Variants in TANGO2 observed in about 807,000 individuals in gnomAD.
The protein encoded by TANGO2 is transport and golgi organization 2 homolog.
Under a neutral mutation model 39.1 loss-of-function variants are expected in TANGO2, and 26 were observed. The ratio of observed to expected loss-of-function variants is 0.67; its 90% CI spans 0.49 to 0.92. The LOEUF is 0.92. Among genes scored for constraint, TANGO2 ranks in the 40% least tolerant of loss-of-function variants. The pLI is 0.00. For synonymous variants in TANGO2, 131 were observed against 144.5 expected (o/e 0.91, Z 0.67); for missense variants, 326 against 360.1 (o/e 0.91, Z 0.77).
intron 8 of TANGO2, 89 bp from the exon 9 acceptor site, chr22:20,064,453 C>T: frequency 1.3e-6 from 2 of 1,543,094 alleles, no homozygotes; most frequent in South Asian, 1.2e-5. Flanking sequence ...CTAACTCTAC[C>T]TGCCTGCATT....
In TANGO2 at chr22:20,022,708, G is replaced by A. The variant is rs987702458; in HGVS notation, c.-40+1462G>A. On this transcript the variant is annotated intron_variant, in intron 1 of 8. Transcript: ENST00000327374. Reference sequence around the variant, plus strand: ...GTGCCCGGCTTCTGCGCCAGACGGCGAACTTGGAGGGCACCCCGGTGCCCA... The same window carrying A: ...GTGCCCGGCTTCTGCGCCAGACGGCAAACTTGGAGGGCACCCCGGTGCCCA... Among the ~76,000 whole-genome samples the A allele has an allele frequency of 4.6e-5, 7 of 152,244 alleles. No homozygotes were observed. In the East Asian group the frequency reaches 7.7e-4, roughly 17 times the overall value.
chr22:20,037,073 C>G lies in TANGO2; in HGVS notation c.56+219C>G, dbSNP rs186875212. 14,735 of 1,531,824 alleles carry G rather than the reference C, an allele frequency of 9.6e-3. 70 individuals are homozygous for G. Among genetic ancestry groups the G allele is most frequent in the Non-Finnish European group, 0.012 (13,448 of 1,140,436 alleles). 94.9% of individuals were successfully genotyped at this position (1,531,824 alleles called of 1,614,324 possible). On this transcript the variant is annotated intron_variant, in intron 2 of 8. Transcript: ENST00000327374. ...GTCAATGTACAAAGACGTGAAGACT[C>G]AGCCACAGAAGGCAGCCACAGGTAG... is the stretch of plus-strand genomic sequence containing the variant.
At chr22:20,037,080 A>G (rs1366821369) in intron 2 of TANGO2, 4 of 1,530,396 alleles carry the variant, frequency 2.6e-6, no homozygotes, top group South Asian at 1.3e-5. Flanking sequence ...ACTCAGCCAC[A>G]GAAGGCAGCC....
intron 8 of TANGO2, chr22:20,063,725 C>T (rs1222228130): frequency 1.3e-5 from 5 of 375,610 alleles, no homozygotes; most frequent in South Asian, 6.7e-5. Context: ...GCAAACGCCC[C>T]GGCACCATGG....
chr22:20,052,494 G>A lies in TANGO2; in HGVS notation c.175G>A (p.Gly59Ser). Residue 59 changes from glycine (G) to serine (S), a missense_variant, in exon 4 of 9, where the codon GGC (glycine) becomes AGC (serine). Transcript: ENST00000327374. Reference protein sequence around the residue: ...GLDMEEGKEGGTWLGISTRGK... With the variant: ...GLDMEEGKEGSTWLGISTRGK... ...GGACATGGAGGAAGGCAAGGAAGGA[G>A]GCACATGGCTGGGCATCAGCACACG... 6.2e-7 allele frequency: 1 copy of A among 1,606,794 alleles called. No individual in the cohort carries two copies. The highest frequency in any genetic ancestry group is 8.5e-7 in the Non-Finnish European group (1 of 1,176,808).
intron 3 of TANGO2, among the ~76,000 whole-genome samples, chr22:20,043,922 C>T (rs1202366027): frequency 6.6e-6 from 1 of 152,132 alleles, no homozygotes; most frequent in Admixed American, 6.6e-5. Flanking sequence ...GAAGCCCCGT[C>T]ACCTGCACCA....
At chr22:20,022,301 G>A (rs2039863499) in intron 1 of TANGO2, among the ~76,000 whole-genome samples, 1 of 152,206 alleles carries the variant, frequency 6.6e-6, no homozygotes, top group African/African-American at 2.4e-5. Context: ...CTGTGTCTGT[G>A]TCCTGCGTCT....
intron 2 of TANGO2, among the ~76,000 whole-genome samples, chr22:20,037,323 G>A (rs112558439): frequency 3.8e-3 from 575 of 152,280 alleles, no homozygotes; most frequent in Middle Eastern, 6.8e-3. Context: ...GGACCAGCCA[G>A]AGGAGTCAGG....
chr22:20,046,934 A>G (rs1384652837), intron 3 of TANGO2, among the ~76,000 whole-genome samples: 1 of 152,202 alleles, frequency 6.6e-6, no homozygotes, highest in Non-Finnish European at 1.5e-5. Flanking sequence ...AGAGTTCTAC[A>G]GGGGACCTGA....
At chr22:20,042,359 G>T (rs1454630014) in intron 2 of TANGO2, among the ~76,000 whole-genome samples, 1 of 152,162 alleles carries the variant, frequency 6.6e-6, no homozygotes. Flanking sequence ...AGTCACTGCT[G>T]TGTCCTTATT....
intron 1 of TANGO2, among the ~76,000 whole-genome samples, chr22:20,025,476 G>A (rs114176759): frequency 0.014 from 2,137 of 152,118 alleles, 39 homozygotes; most frequent in African/African-American, 0.048. Context: ...AGTGTCTGGC[G>A]TGACAGATTG....
chr22:20,051,012 C>G (rs1440000258), intron 3 of TANGO2, among the ~76,000 whole-genome samples: 1 of 151,022 alleles, frequency 6.6e-6, no homozygotes, highest in African/African-American at 2.4e-5. Context: ...CAGGCATGCA[C>G]CACCACGCCT....
chr22:20,062,106 C>T (rs1037064190), intron 7 of TANGO2, among the ~76,000 whole-genome samples: 10 of 152,298 alleles, frequency 6.6e-5, no homozygotes, highest in African/African-American at 9.6e-5. Flanking sequence ...ATGGGCTTCC[C>T]GCAAGCGGTC....
At chr22:20,056,303 T>TCCTGTGCCGTCCCAGTGTGC (rs1459332336) in intron 6 of TANGO2, 1 of 625,140 alleles carries the variant, frequency 1.6e-6, no homozygotes, top group East Asian at 3.3e-5. Context: ...CAGCCTCACT[T>TCCTGTGCCGTCCCAGTGTGC]CCTGTGCCGT....
At chr22:20,022,918 G>A (rs1395553781) in intron 1 of TANGO2, among the ~76,000 whole-genome samples, 6 of 152,250 alleles carry the variant, frequency 3.9e-5, no homozygotes, top group African/African-American at 1.4e-4. Flanking sequence ...TGACGTGTCA[G>A]TCAGCACATG....
chr22:20,033,732 G>A (rs1472907946), intron 1 of TANGO2, among the ~76,000 whole-genome samples: 1 of 152,232 alleles, frequency 6.6e-6, no homozygotes, highest in Non-Finnish European at 1.5e-5. Context: ...CACATGGTGA[G>A]TGCTGGGCCC....
intron 1 of TANGO2, among the ~76,000 whole-genome samples, chr22:20,030,122 A>G (rs533225500): frequency 1.3e-5 from 2 of 150,076 alleles, no homozygotes; most frequent in Admixed American, 1.3e-4. Flanking sequence ...GGACTCTTGT[A>G]AAGAGGGCAT....
chr22:20,026,286 T>G (rs1282888855), intron 1 of TANGO2, among the ~76,000 whole-genome samples: 1 of 152,110 alleles, frequency 6.6e-6, no homozygotes, highest in Non-Finnish European at 1.5e-5. Flanking sequence ...TAATGACAGT[T>G]ACTTGGGAGG....
chr22:20,053,099 G>A lies in TANGO2; in HGVS notation c.266-338G>A, dbSNP rs1296323538. Among the ~76,000 whole-genome samples, 3 of 152,160 alleles carry A rather than the reference G, an allele frequency of 2.0e-5. No homozygotes were observed. In the East Asian group the frequency reaches 5.8e-4, roughly 29 times the overall value. On this transcript the variant is annotated intron_variant, in intron 4 of 8. Transcript: ENST00000327374. The stretch of plus-strand genomic sequence containing the variant: ...CCTGACTGCTGTGTCACTGTCCCCT[G>A]CCTGGAATGTTTGTAGAGTAGATGC...
Sources: allele counts gnomAD v4.1 joint callset (sites outside exome capture counted in the v4.1 genomes callset), GRCh38; gene constraint gnomAD v4.1.1; transcripts MANE v1.5; gene names NCBI Gene and HGNC (gene_info 2026-07-23, HGNC 2026-07-21).